TXLNB: variants seen among roughly 807,000 people sequenced by gnomAD.
TXLNB encodes beta-taxilin.
In TXLNB, 37 loss-of-function variants were observed where a neutral mutation model predicts 57.4. That is an observed-to-expected ratio of 0.64 (90% CI 0.50 to 0.85). The LOEUF is 0.85. Among genes scored for constraint, TXLNB ranks in the 40% least tolerant of loss-of-function variants. TXLNB has a pLI of 0.00. For synonymous variants in TXLNB, 302 were observed against 309.6 expected (o/e 0.98, Z 0.26); for missense variants, 848 against 825.6 (o/e 1.03, Z -0.33).
the TXLNB span, among the ~76,000 whole-genome samples, chr6:139,229,951 G>A: frequency 2.6e-5 from 4 of 151,936 alleles, no homozygotes; most frequent in African/African-American, 9.7e-5. Flanking sequence ...TTTTTTTCCT[G>A]GACGTTAATG....
At chr6:139,310,018 A>G in the TXLNB span, among the ~76,000 whole-genome samples, 4 of 152,234 alleles carry the variant, frequency 2.6e-5, no homozygotes, top group Non-Finnish European at 5.9e-5. Context: ...CTGAAACCAT[A>G]AAGCTTCTAG....
chr6:139,318,494 T>C, the TXLNB span, among the ~76,000 whole-genome samples: 1 of 151,874 alleles, frequency 6.6e-6, no homozygotes, highest in Middle Eastern at 3.4e-3. Context: ...ACACAAGATA[T>C]CAAGTCAAAC....
the TXLNB span, chr6:139,177,078 C>T: frequency 3.5e-6 from 3 of 862,348 alleles, no homozygotes; most frequent in Admixed American, 1.7e-5. The surrounding 1 kb of genome is among the most constrained non-coding windows in gnomAD (Gnocchi z 4.9). Flanking sequence ...AGCCATTTTC[C>T]TCCTTCAAAG....
chr6:139,197,194 A>T, the TXLNB span, among the ~76,000 whole-genome samples: 1 of 152,164 alleles, frequency 6.6e-6, no homozygotes, highest in Non-Finnish European at 1.5e-5. Flanking sequence ...TTTCTCAATT[A>T]GGTCTTTTCT....
At chr6:139,272,517 A>G (rs1002799241) in intron 3 of TXLNB, among the ~76,000 whole-genome samples, 1 of 152,202 alleles carries the variant, frequency 6.6e-6, no homozygotes, top group African/African-American at 2.4e-5. Flanking sequence ...TCTAGCTACT[A>G]GTGGAAATTA....
At chr6:139,178,739 T>A in the TXLNB span, 1 of 152,102 alleles carries the variant, frequency 6.6e-6, no homozygotes. Flanking sequence ...CACACCCGGC[T>A]AATTTTTTGT....
chr6:139,288,537 A>G lies in TXLNB; in HGVS notation c.363T>C (p.Thr121=). 1 of 1,614,184 alleles carries G rather than the reference A, an allele frequency of 6.2e-7. No individual in the cohort carries two copies. The highest frequency in any genetic ancestry group is 8.5e-7 in the Non-Finnish European group (1 of 1,180,036). ...REPVASGEPP[T]VKEPVSNKEQ... ...CCTTATTGCTGACGGGCTCTTTGAC[A>G]GTGGGTGGCTCTCCAGAAGCAACGG... Residue 121 remains threonine, a synonymous_variant, in exon 2 of 10, where the codon ACT becomes ACC. Coordinates refer to ENST00000358430, the MANE Select transcript of TXLNB (RefSeq NM_153235.4).
At chr6:139,207,946 C>T in the TXLNB span, among the ~76,000 whole-genome samples, 9 of 152,176 alleles carry the variant, frequency 5.9e-5, no homozygotes, top group South Asian at 6.2e-4. Context: ...CATGGTGGTG[C>T]GCACCTATAA....
the TXLNB span, among the ~76,000 whole-genome samples, chr6:139,311,731 G>T: frequency 6.6e-6 from 1 of 152,190 alleles, no homozygotes. Flanking sequence ...CGCGTCGTCT[G>T]CAGCTCCACC....
At chr6:139,164,262 G>A in the TXLNB span, among the ~76,000 whole-genome samples, 2 of 152,222 alleles carry the variant, frequency 1.3e-5, no homozygotes, top group African/African-American at 4.8e-5. Context: ...TTTAGCTTCT[G>A]TCATCTATAC....
chr6:139,161,469 G>A, the TXLNB span, among the ~76,000 whole-genome samples: 1 of 152,114 alleles, frequency 6.6e-6, no homozygotes, highest in Non-Finnish European at 1.5e-5. Context: ...AAAGGGACAG[G>A]GATGGGGCAC....
At chr6:139,191,847 G>A in the TXLNB span, among the ~76,000 whole-genome samples, 1 of 152,114 alleles carries the variant, frequency 6.6e-6, no homozygotes, top group African/African-American at 2.4e-5. Context: ...GGAAAAGGGC[G>A]CACTTGGCCT....
the TXLNB span, among the ~76,000 whole-genome samples, chr6:139,208,784 C>T: frequency 1.5e-3 from 232 of 152,270 alleles, no homozygotes; most frequent in African/African-American, 5.4e-3. Context: ...ATAGAAGGGA[C>T]ATAGCTGAAG....
At chr6:139,190,930 G>A in the TXLNB span, among the ~76,000 whole-genome samples, 1 of 152,036 alleles carries the variant, frequency 6.6e-6, no homozygotes, top group African/African-American at 2.4e-5. Context: ...AAGTAGTTAA[G>A]ATTAAAAAGT....
the TXLNB span, among the ~76,000 whole-genome samples, chr6:139,189,574 G>T: frequency 6.6e-6 from 1 of 152,178 alleles, no homozygotes; most frequent in Non-Finnish European, 1.5e-5. Flanking sequence ...AATAAGAAAG[G>T]TCTGAAATAA....
At chr6:139,235,185 C>T (rs1319548061), downstream of TXLNB, among the ~76,000 whole-genome samples, 2 of 152,058 alleles carry the variant, frequency 1.3e-5, no homozygotes, top group East Asian at 1.9e-4. Flanking sequence ...GTTGCATTTT[C>T]CAAGACCACC....
At chr6:139,263,841 T>G (rs1292871151) in intron 4 of TXLNB, among the ~76,000 whole-genome samples, 1 of 152,232 alleles carries the variant, frequency 6.6e-6, no homozygotes, top group African/African-American at 2.4e-5. Context: ...AAAATTATAC[T>G]GAATTTGATT....
the TXLNB span, chr6:139,167,154 G>A: frequency 6.2e-7 from 1 of 1,614,154 alleles, no homozygotes. Flanking sequence ...GAAGACTTGC[G>A]GAAGTTCATT....
intron 4 of TXLNB, among the ~76,000 whole-genome samples, chr6:139,265,863 G>A (rs1295831066): frequency 6.6e-6 from 1 of 152,178 alleles, no homozygotes; most frequent in Admixed American, 6.5e-5. Flanking sequence ...CATATTAGAA[G>A]AATAAGAATA....
Sources: allele counts gnomAD v4.1 joint callset (sites outside exome capture counted in the v4.1 genomes callset), GRCh38; gene constraint gnomAD v4.1.1; non-coding constraint Gnocchi (gnomAD v3.1); transcripts MANE v1.5; gene names NCBI Gene and HGNC (gene_info 2026-07-23, HGNC 2026-07-21).